PCDH11X: variants seen among roughly 807,000 people sequenced by gnomAD.
PCDH11X encodes the protein protocadherin 11 X-linked.
In PCDH11X, 18 loss-of-function variants were observed where a neutral mutation model predicts 53.3. That is an observed-to-expected ratio of 0.34 (90% CI 0.23 to 0.50). The LOEUF is 0.50. Ranked by LOEUF, PCDH11X falls within the 20% of genes least tolerant of loss-of-function variation. The pLI is 0.98. For synonymous variants in PCDH11X, 279 were observed against 393.3 expected (o/e 0.71, Z 3.44); for missense variants, 570 against 1,032.4 (o/e 0.55, Z 6.14).
chrX:91,981,395 A>G (rs1456231162), intron 6 of PCDH11X, among the ~76,000 whole-genome samples: 1 of 110,611 alleles, frequency 9.0e-6, no homozygotes, highest in Non-Finnish European at 1.9e-5. Context: ...ACAAAGATCT[A>G]TAGTTGTGGT....
At position 92,201,394 on chromosome X, in the gene PCDH11X, G is replaced by A. The variant is rs4252205; in HGVS notation, c.3053G>A (p.Arg1018Gln). 10,901 of 1,200,953 alleles carry A rather than the reference G, an allele frequency of 9.1e-3. 45 individuals carry two copies. The highest frequency in any genetic ancestry group is 0.01 in the Non-Finnish European group (9,033 of 889,706). The change falls in exon 7 of 11, where the codon CGA (arginine) becomes CAA (glutamine). Residue 1018 changes from arginine (R) to glutamine (Q), a missense_variant. Coordinates refer to ENST00000682573, the MANE Select transcript of PCDH11X (RefSeq NM_032968.5). ...CTAAAGCCAATGAAGGAGGTTGTGC[G>A]ATCTTGCACCCCCATGAAAGAGTCT... ...HTRPPMKEVV[R>Q]SCTPMKESTT...
intron 6 of PCDH11X, among the ~76,000 whole-genome samples, chrX:92,103,635 C>T (rs1319642900): frequency 6.3e-5 from 7 of 111,830 alleles, no homozygotes; most frequent in African/African-American, 2.3e-4. Flanking sequence ...TGGGACGTGG[C>T]TTAGGAGGAA....
intron 10 of PCDH11X, among the ~76,000 whole-genome samples, chrX:92,484,615 G>A (rs1251163299): frequency 9.1e-6 from 1 of 110,079 alleles, no homozygotes; most frequent in Non-Finnish European, 1.9e-5. Flanking sequence ...ATTATTCTAA[G>A]TGAAGTAACT....
intron 7 of PCDH11X, among the ~76,000 whole-genome samples, chrX:92,210,476 T>A (rs947551151): frequency 1.8e-5 from 2 of 109,862 alleles, no homozygotes; most frequent in African/African-American, 6.6e-5. Context: ...CCTGACCTTG[T>A]GATCCACCTG....
At chrX:92,598,882 C>T (rs1160471422) in intron 10 of PCDH11X, among the ~76,000 whole-genome samples, 9 of 104,478 alleles carry the variant, frequency 8.6e-5, no homozygotes, top group Non-Finnish European at 1.8e-4. Context: ...CAGTCATTTG[C>T]AACAACATGG....
chrX:92,119,690 ATAAAC>A (rs2148175223), intron 6 of PCDH11X, among the ~76,000 whole-genome samples: 1 of 111,884 alleles, frequency 8.9e-6, no homozygotes, highest in Non-Finnish European at 1.9e-5. Flanking sequence ...TTATTTCTAA[ATAAAC>A]TAATTTACAT....
chrX:92,303,677 T>C (rs2068767289), intron 8 of PCDH11X, among the ~76,000 whole-genome samples: 1 of 111,980 alleles, frequency 8.9e-6, no homozygotes. Flanking sequence ...TCCCAGATGT[T>C]TAGGAAGCGA....
intron 6 of PCDH11X, among the ~76,000 whole-genome samples, chrX:92,167,187 A>G (rs763154422): frequency 2.9e-4 from 32 of 111,196 alleles, no homozygotes; most frequent in Middle Eastern, 4.6e-3. Flanking sequence ...ATATTTTTAA[A>G]AGATTATCTA....
chrX:92,125,864 C>T (rs146766439), intron 6 of PCDH11X, among the ~76,000 whole-genome samples: 2,291 of 110,465 alleles, frequency 0.021, 62 homozygotes, highest in African/African-American at 0.071. Flanking sequence ...CAGTGTCTCA[C>T]GCCTGTAATC....
intron 8 of PCDH11X, among the ~76,000 whole-genome samples, chrX:92,271,296 C>A (rs11093353): frequency 1.7e-4 from 19 of 111,980 alleles, no homozygotes; most frequent in African/African-American, 5.9e-4. Context: ...CTAAAGAAAT[C>A]TTTGTGTCAA....
At chrX:92,421,876 C>G (rs2148615867) in intron 9 of PCDH11X, among the ~76,000 whole-genome samples, 1 of 111,755 alleles carries the variant, frequency 8.9e-6, no homozygotes, top group Admixed American at 9.5e-5. Context: ...AGTATTTGTT[C>G]AAGTACTTTG....
chrX:91,974,074 A>G (rs1217042918), intron 6 of PCDH11X, among the ~76,000 whole-genome samples: 1 of 111,351 alleles, frequency 9.0e-6, no homozygotes, highest in Non-Finnish European at 1.9e-5. Flanking sequence ...CTGGAAAAAA[A>G]TTTTTTTTAT....
chrX:92,034,681 CT>C lies in PCDH11X; in HGVS notation c.3033+155415del, dbSNP rs1286281932. On this transcript the variant is annotated intron_variant, in intron 6 of 10. Transcript: ENST00000682573. The stretch of plus-strand genomic sequence containing the variant: ...GTAATCAACACATCATTGGGAATTG[CT>C]TTTTTTATCCATTCAGCTGTTTTAT... 6.4e-5 allele frequency among the ~76,000 whole-genome samples: 7 copies of C among 109,923 alleles called. No homozygotes were observed. The East Asian group carries it at 1.7e-3, about 27-fold the overall frequency.
intron 6 of PCDH11X, among the ~76,000 whole-genome samples, chrX:91,964,179 T>C (rs968628229): frequency 7.9e-5 from 8 of 100,785 alleles, no homozygotes; most frequent in African/African-American, 3.7e-4. Context: ...CATTAATAGA[T>C]ATCCTGTGTT....
At chrX:92,480,679 T>C (rs2073484272) in intron 10 of PCDH11X, among the ~76,000 whole-genome samples, 1 of 110,933 alleles carries the variant, frequency 9.0e-6, no homozygotes, top group Non-Finnish European at 1.9e-5. Context: ...TATTGGGCCC[T>C]GTCTTTGTTC....
chrX:92,153,626 A>G (rs1271967487), intron 6 of PCDH11X, among the ~76,000 whole-genome samples: 2 of 111,341 alleles, frequency 1.8e-5, no homozygotes, highest in Non-Finnish European at 3.8e-5. Context: ...AAAATTGTAT[A>G]TCATTTTTAT....
intron 9 of PCDH11X, among the ~76,000 whole-genome samples, chrX:92,410,809 A>C (rs1278478903): frequency 5.2e-5 from 5 of 96,259 alleles, no homozygotes; most frequent in African/African-American, 2.4e-4. Flanking sequence ...TTGTATAAGT[A>C]GTAAAGACTG....
chrX:92,433,711 G>T (rs904688015), intron 9 of PCDH11X, among the ~76,000 whole-genome samples: 1 of 111,601 alleles, frequency 9.0e-6, no homozygotes, highest in African/African-American at 3.2e-5. Flanking sequence ...ATAACAGAGG[G>T]TAGATGTGCA....
At chrX:91,953,610 G>C (rs2061670990) in intron 6 of PCDH11X, among the ~76,000 whole-genome samples, 1 of 110,889 alleles carries the variant, frequency 9.0e-6, no homozygotes, top group Non-Finnish European at 1.9e-5. Context: ...ATCTACCTTT[G>C]ACATTTAGAT....
Sources: allele counts gnomAD v4.1 joint callset (sites outside exome capture counted in the v4.1 genomes callset), GRCh38; gene constraint gnomAD v4.1.1; transcripts MANE v1.5; gene names NCBI Gene and HGNC (gene_info 2026-07-23, HGNC 2026-07-21).